TRIM67: variants seen among roughly 807,000 people sequenced by gnomAD.
The protein encoded by TRIM67 is tripartite motif-containing protein 67.
Under a neutral mutation model 71.0 loss-of-function variants are expected in TRIM67, and 39 were observed. That is an observed-to-expected ratio of 0.55 (90% confidence interval 0.43 to 0.72). The LOEUF is 0.72. TRIM67 is among the 30% of genes least tolerant of loss of function. The pLI is 0.00. For missense variants in TRIM67, 973 were observed against 1,079.2 expected (o/e 0.90, Z 1.38); for synonymous variants, 481 against 473.9 (o/e 1.01, Z -0.19).
Position 231,214,648 on chromosome 1 carries a change from G to A in TRIM67, c.2286+671G>A, listed in dbSNP as rs374030531. Among the ~76,000 whole-genome samples, 6 of 151,830 alleles carry A rather than the reference G, an allele frequency of 4.0e-5. No individual in the cohort carries two copies. In the South Asian group the frequency reaches 8.3e-4, roughly 21 times the overall value. ...AAAAAAAATAGCTGGGCATGGTAGC[G>A]GGTGCCTGTAGTCCCAGCTACTCAG... is the stretch of plus-strand genomic sequence containing the variant. On this transcript the variant is annotated intron_variant, in intron 9 of 9. Coordinates refer to ENST00000366653, the MANE Select transcript of TRIM67 (RefSeq NM_001004342.5).
chr1:231,167,319 C>CTTTTTTTTTTTT lies in TRIM67; in HGVS notation c.1044+3316_1044+3327dup, dbSNP rs1159766852. ...ACAGGACTTTTGATCACTCTAATGT[C>CTTTTTTTTTTTT]TTTTTTTTTTTTTTTTTTTTTGAGA... is the stretch of plus-strand genomic sequence containing the variant. On this transcript the variant is annotated intron_variant, in intron 1 of 9. Coordinates refer to ENST00000366653, the MANE Select transcript of TRIM67 (RefSeq NM_001004342.5). Among the ~76,000 whole-genome samples, 16 of 51,842 alleles carry CTTTTTTTTTTTT rather than the reference C, an allele frequency of 3.1e-4. 3 individuals carry two copies. Among genetic ancestry groups the CTTTTTTTTTTTT allele is most frequent in the African/African-American group, 1.1e-3 (12 of 10,696 alleles). The allele number at this position is 51,842 out of a possible 152,430, so 34.0% of individuals were successfully genotyped here.
Position 231,162,936 on chromosome 1 carries a change from C to A in TRIM67, c.-34C>A, listed in dbSNP as rs766792374. On this transcript the variant is annotated 5_prime_UTR_variant, in exon 1 of 10. Coordinates refer to ENST00000366653, the MANE Select transcript of TRIM67 (RefSeq NM_001004342.5). ...TCTCCCGAGCTCCGGCCATTCATCC[C>A]CAGCGCAGAGCAGCGCTGGCAGCCG... is the stretch of plus-strand genomic sequence containing the variant. 10 of 1,600,912 alleles carry A rather than the reference C, an allele frequency of 6.2e-6. No homozygotes were observed. The Admixed American group carries it at 1.5e-4, about 25-fold the overall frequency.
intron 1 of TRIM67, among the ~76,000 whole-genome samples, chr1:231,178,092 A>G (rs145719354): frequency 7.3e-4 from 111 of 152,324 alleles, no homozygotes; most frequent in Admixed American, 2.4e-3. Context: ...AGAGCCATCC[A>G]TGCTCATTAG....
In TRIM67 at chr1:231,167,319, C is replaced by CTTTT. The variant is rs1159766852; in HGVS notation, c.1044+3324_1044+3327dup. On this transcript the variant is annotated intron_variant, in intron 1 of 9. Transcript: ENST00000366653. ...ACAGGACTTTTGATCACTCTAATGT[C>CTTTT]TTTTTTTTTTTTTTTTTTTTTGAGA... Among the ~76,000 whole-genome samples, 170 of 51,838 alleles carry CTTTT rather than the reference C, an allele frequency of 3.3e-3. 54 individuals are homozygous for CTTTT. Among genetic ancestry groups the CTTTT allele is most frequent in the African/African-American group, 5.0e-3 (54 of 10,694 alleles). The allele number at this position is 51,838 out of a possible 152,430, so 34.0% of individuals were successfully genotyped here.
In TRIM67 at chr1:231,205,844, C is replaced by T. The variant is rs139600713; in HGVS notation, c.1681-808C>T. ...AGGAGGGCTAAGGAGTGGAAGATGC[C>T]AGCCTCAGGTGTGGGAGGAGACAAA... On this transcript the variant is annotated intron_variant, in intron 6 of 9. Coordinates refer to ENST00000366653, the MANE Select transcript of TRIM67 (RefSeq NM_001004342.5). Among the ~76,000 whole-genome samples, 38 of 152,242 alleles carry T rather than the reference C, an allele frequency of 2.5e-4. 1 individual carries two copies. In the East Asian group the frequency reaches 6.4e-3, roughly 26 times the overall value.
intron 1 of TRIM67, among the ~76,000 whole-genome samples, chr1:231,182,801 T>G (rs1682943572): frequency 6.6e-6 from 1 of 152,220 alleles, no homozygotes; most frequent in Admixed American, 6.5e-5. Flanking sequence ...ACGTGAGCTT[T>G]TGAAGGTCAT....
rs1684068174 is a variant in TRIM67, at chr1:231,218,430, T to C, written c.*2990T>C. On this transcript the variant is annotated 3_prime_UTR_variant, in exon 10 of 10. Transcript: ENST00000366653. ...AAATAGTGCCTCTGTAATGTGGTTC[T>C]GCAGTTGTTCTTTGCTAGTGAGCAA... 2 of 985,598 alleles carry C rather than the reference T, an allele frequency of 2.0e-6. No homozygotes were observed. Among genetic ancestry groups the C allele is most frequent in the Admixed American group, 1.2e-4 (2 of 16,310 alleles). The allele number at this position is 985,598 out of a possible 1,614,324, so 61.1% of individuals were successfully genotyped here. A position where few individuals can be genotyped will look rare whatever the true frequency, so the allele number is the denominator to read the frequency against.
chr1:231,205,395 T>C (rs1440850725), intron 6 of TRIM67, among the ~76,000 whole-genome samples: 3 of 152,186 alleles, frequency 2.0e-5, no homozygotes, highest in African/African-American at 7.2e-5. Flanking sequence ...CAAAGGTAAC[T>C]TTGAAGCTAA....
chr1:231,165,627 G>A (rs916194496), intron 1 of TRIM67, among the ~76,000 whole-genome samples: 4 of 152,158 alleles, frequency 2.6e-5, no homozygotes, highest in Non-Finnish European at 5.9e-5. Flanking sequence ...ATAGCTTTGA[G>A]CTGAATCAGA....
intron 1 of TRIM67, among the ~76,000 whole-genome samples, chr1:231,182,508 A>C (rs893633634): frequency 1.3e-5 from 2 of 152,196 alleles, no homozygotes; most frequent in Non-Finnish European, 2.9e-5. Flanking sequence ...CAGGACTTGA[A>C]GGGGGAGGTT....
rs749003054 is a variant in TRIM67, at chr1:231,213,860, G to A, written c.2169G>A (p.Leu723=). 6.2e-7 allele frequency: 1 copy of A among 1,613,358 alleles called. No homozygotes were observed. The highest frequency in any genetic ancestry group is 2.2e-5 in the East Asian group (1 of 44,866). The stretch of plus-strand genomic sequence containing the variant: ...AGGGGGCCACCGTGGGCGTGCTGCT[G>A]GACCTGAATAAGCACACTCTCACCT... ...VCKGATVGVL[L]DLNKHTLTFF... Residue 723 remains leucine (L), a synonymous_variant, in exon 9 of 10, where the codon CTG becomes CTA. Transcript: ENST00000366653.
intron 1 of TRIM67, among the ~76,000 whole-genome samples, 158 bp from the exon 2 acceptor site, chr1:231,197,213 A>G (rs911126699): frequency 4.6e-5 from 7 of 152,236 alleles, no homozygotes; most frequent in African/African-American, 1.7e-4. Context: ...AATGTTGTAG[A>G]GATCATGGGT....
At chr1:231,173,749 G>T (rs1571871609) in intron 1 of TRIM67, among the ~76,000 whole-genome samples, 3 of 152,224 alleles carry the variant, frequency 2.0e-5, no homozygotes, top group East Asian at 3.8e-4. Flanking sequence ...TTAAGCTGGG[G>T]TGTGATGTTT....
intron 1 of TRIM67, among the ~76,000 whole-genome samples, chr1:231,173,595 A>G (rs1682667102): frequency 6.6e-6 from 1 of 152,220 alleles, no homozygotes; most frequent in Non-Finnish European, 1.5e-5. Flanking sequence ...GAAATGGGCC[A>G]GTGTGCTTGG....
At chr1:231,200,703 G>A (rs895216529) in intron 4 of TRIM67, among the ~76,000 whole-genome samples, 1 of 152,194 alleles carries the variant, frequency 6.6e-6, no homozygotes, top group Non-Finnish European at 1.5e-5. Flanking sequence ...TCAGGGTCAT[G>A]AGTATCTCTC....
chr1:231,201,525 G>A lies in TRIM67; in HGVS notation c.1534+8G>A, dbSNP rs200843801. 3.0e-5 allele frequency: 48 copies of A among 1,612,626 alleles called. No individual in the cohort carries two copies. The highest frequency in any genetic ancestry group is 1.2e-4 in the Admixed American group (7 of 59,862). On this transcript the variant is annotated splice_region_variant and intron_variant, in intron 5 of 9. Coordinates refer to ENST00000366653, the MANE Select transcript of TRIM67 (RefSeq NM_001004342.5). ...TTCAGATGAAATGTAGGGGTGAGCCGCGGTTGGCCCCAGTTCAGTCAGTGC... is the reference window on the plus strand; with the variant it reads ...TTCAGATGAAATGTAGGGGTGAGCCACGGTTGGCCCCAGTTCAGTCAGTGC...
intron 1 of TRIM67, among the ~76,000 whole-genome samples, chr1:231,185,412 C>A (rs1249881602): frequency 6.6e-6 from 1 of 151,790 alleles, no homozygotes; most frequent in African/African-American, 2.4e-5. Flanking sequence ...CCCAGGAGCT[C>A]CCACCACGGC....
At chr1:231,198,975 C>A in intron 2 of TRIM67, 72 bp from the exon 3 acceptor site, 1 of 1,607,424 alleles carries the variant, frequency 6.2e-7, no homozygotes, top group Non-Finnish European at 8.5e-7. Flanking sequence ...TTGTCTATAG[C>A]ACTCACCAGA....
At chr1:231,207,255 A>G (rs1456604928) in intron 7 of TRIM67, among the ~76,000 whole-genome samples, 3 of 152,220 alleles carry the variant, frequency 2.0e-5, no homozygotes, top group African/African-American at 7.2e-5. Context: ...CCCAGACAAG[A>G]AAACTCCACG....
Sources: gnomAD v4.1 joint callset for allele counts (sites outside exome capture counted in the v4.1 genomes callset) on GRCh38, gnomAD v4.1.1 for gene constraint, MANE v1.5 for transcripts, NCBI Gene and HGNC (gene_info 2026-07-23, HGNC 2026-07-21) for gene names.